Variants in DNAH9 observed in about 807,000 individuals in gnomAD.
DNAH9 encodes the protein DNAH9 variant protein.
Under a neutral mutation model 471.6 loss-of-function variants are expected in DNAH9, and 345 were observed. The observed-to-expected ratio is 0.73, with a 90% CI of 0.67 to 0.80. The LOEUF (loss-of-function observed/expected upper bound fraction) is 0.80, where lower values mean the gene tolerates loss of function less well. Ranked by LOEUF, DNAH9 falls within the 30% of genes least tolerant of loss-of-function variation. The pLI, the probability that DNAH9 is intolerant of heterozygous loss-of-function variation, is 0.00. For missense variants in DNAH9, 5,407 were observed against 5,609.2 expected (o/e 0.96, Z 1.15); for synonymous variants, 2,093 against 2,123.6 (o/e 0.99, Z 0.40).
intron 19 of DNAH9, among the ~76,000 whole-genome samples, chr17:11,689,322 G>T (rs2074292623): frequency 6.6e-6 from 1 of 150,758 alleles, no homozygotes; most frequent in East Asian, 2.0e-4. Context: ...TTCTTGAATT[G>T]CCCTTCTTCC....
chr17:11,732,347 CG>C (rs1045445213), intron 28 of DNAH9, among the ~76,000 whole-genome samples: 1 of 152,076 alleles, frequency 6.6e-6, no homozygotes, highest in African/African-American at 2.4e-5. Context: ...AAAATCTGAG[CG>C]GGTAACATTT....
At chr17:11,938,409 A>G (rs2151042702) in intron 66 of DNAH9, among the ~76,000 whole-genome samples, 1 of 151,540 alleles carries the variant, frequency 6.6e-6, no homozygotes, top group South Asian at 2.1e-4. Flanking sequence ...CAGTGAGCCA[A>G]GACCGTGCCA....
At chr17:11,712,868 A>G (rs563460432) in intron 26 of DNAH9, among the ~76,000 whole-genome samples, 1 of 150,106 alleles carries the variant, frequency 6.7e-6, no homozygotes, top group East Asian at 2.0e-4. Context: ...TTTTTTTCTT[A>G]AAAAGCTTTA....
In DNAH9 at chr17:11,933,352, C is replaced by T. The variant is rs138160879; in HGVS notation, c.12298-528C>T. Among the ~76,000 whole-genome samples, 434 of 152,002 alleles carry T rather than the reference C, an allele frequency of 2.9e-3. 3 individuals carry two copies. The highest frequency in any genetic ancestry group is 0.027 in the Middle Eastern group (8 of 292). ...GGGGTTGGCAACTTTCCTGTCTTCA[C>T]TCTTTGATGTAATTCTTCAAGCTTT... is the stretch of plus-strand genomic sequence containing the variant. On this transcript the variant is annotated intron_variant, in intron 64 of 68. Transcript: ENST00000262442.
rs139101425 is a variant in DNAH9 at position 11,874,919 on chromosome 17, G to C, written c.10243-30G>C. ...AGCTGAGAATGTCTGCTTCTGTTCTGAGCGTGGGGTGGTGTTTCTTCTTCA... is the reference window on the plus strand; with the variant it reads ...AGCTGAGAATGTCTGCTTCTGTTCTCAGCGTGGGGTGGTGTTTCTTCTTCA... On this transcript the variant is annotated intron_variant, in intron 52 of 68. Transcript: ENST00000262442. 8 of 1,522,836 alleles carry C rather than the reference G, an allele frequency of 5.3e-6. No individual in the cohort carries two copies. The East Asian group carries it at 1.6e-4, about 30-fold the overall frequency. 94.3% of individuals were successfully genotyped at this position (1,522,836 alleles called of 1,614,324 possible).
At chr17:11,880,241 G>A (rs759297055) in intron 54 of DNAH9, 41 bp downstream of exon 54, 4 of 1,606,116 alleles carry the variant, frequency 2.5e-6, no homozygotes, top group Middle Eastern at 2.1e-4. Flanking sequence ...GGGGGAGCTG[G>A]TTCATGGCCC....
chr17:11,684,729 G>A (rs1011679738), intron 19 of DNAH9, among the ~76,000 whole-genome samples: 1 of 152,138 alleles, frequency 6.6e-6, no homozygotes, highest in Admixed American at 6.5e-5. Context: ...GGCTGGGAGG[G>A]CTTTCTTGAA....
At chr17:11,906,099 A>G (rs892820694) in intron 61 of DNAH9, among the ~76,000 whole-genome samples, 2 of 152,072 alleles carry the variant, frequency 1.3e-5, no homozygotes, top group Non-Finnish European at 2.9e-5. Context: ...ATCTTTCTGA[A>G]ATACTAGTAT....
chr17:11,668,388 T>C (rs796879685), intron 15 of DNAH9, among the ~76,000 whole-genome samples: 3 of 152,162 alleles, frequency 2.0e-5, no homozygotes, highest in East Asian at 1.9e-4. Flanking sequence ...TCTTGTTGGC[T>C]GGGCGCGGTG....
chr17:11,949,615 G>A (rs1343490298), intron 67 of DNAH9, among the ~76,000 whole-genome samples: 2 of 152,028 alleles, frequency 1.3e-5, no homozygotes, highest in South Asian at 2.1e-4. Context: ...CTGAGTAGCT[G>A]GGATTACAGG....
In DNAH9 at chr17:11,658,121, C is replaced by T. The variant is rs140411929; in HGVS notation, c.2595+5119C>T. On this transcript the variant is annotated intron_variant, in intron 14 of 68. Transcript: ENST00000262442. Reference sequence around the variant, plus strand: ...TAGATTAATTTGAGGAAAATAAAGACCTTAACAATATTGAATATAGCAGTT... The same window carrying T: ...TAGATTAATTTGAGGAAAATAAAGATCTTAACAATATTGAATATAGCAGTT... Among the ~76,000 whole-genome samples, 13 of 152,158 alleles carry T rather than the reference C, an allele frequency of 8.5e-5. No homozygotes were observed. In the East Asian group the frequency reaches 2.3e-3, roughly 27 times the overall value.
intron 61 of DNAH9, among the ~76,000 whole-genome samples, chr17:11,912,637 T>C (rs1263982980): frequency 6.6e-6 from 1 of 152,192 alleles, no homozygotes; most frequent in Admixed American, 6.5e-5. Flanking sequence ...AAACCAACCT[T>C]GCATTCCTAG....
intron 35 of DNAH9, among the ~76,000 whole-genome samples, chr17:11,757,941 G>A (rs1183763442): frequency 1.3e-5 from 2 of 152,190 alleles, no homozygotes; most frequent in African/African-American, 2.4e-5. Context: ...TGAGTGCCAC[G>A]TGGATGTATG....
At chr17:11,881,456 A>G (rs1429516629) in intron 55 of DNAH9, 43 bp downstream of exon 55, 2 of 1,581,064 alleles carry the variant, frequency 1.3e-6, no homozygotes, top group Non-Finnish European at 1.7e-6. Context: ...TAGAGCCTGC[A>G]GTGTACTCCA....
chr17:11,923,821 A>T lies in DNAH9; in HGVS notation c.11757A>T (p.Lys3919Asn), dbSNP rs1974222395. 1 of 1,613,814 alleles carries T rather than the reference A, an allele frequency of 6.2e-7. No individual in the cohort carries two copies. Among genetic ancestry groups the T allele is most frequent in the East Asian group, 2.2e-5 (1 of 44,856 alleles). ...CCTCCATCCTCCTTTTAGGAAGAAA[A>T]CTTGGATACACCTTCAACAATCAGA... is the stretch of plus-strand genomic sequence containing the variant. ...PLKDVESQGR[K>N]LGYTFNNQNF... Residue 3919 changes from lysine (K) to asparagine (N), a missense_variant, in exon 62 of 69, where the codon AAA becomes AAT. Physicochemically the swap from Lys to Asn is moderately conservative, Grantham distance 94 (BLOSUM62 0). Coordinates refer to ENST00000262442, the MANE Select transcript of DNAH9 (RefSeq NM_001372.4).
intron 44 of DNAH9, among the ~76,000 whole-genome samples, chr17:11,808,773 C>G (rs1969782394): frequency 6.6e-6 from 1 of 152,166 alleles, no homozygotes; most frequent in African/African-American, 2.4e-5. Context: ...AGAAAGAATA[C>G]TGATGCCTGT....
chr17:11,725,364 G>C (rs552688281), intron 27 of DNAH9, among the ~76,000 whole-genome samples: 3 of 152,278 alleles, frequency 2.0e-5, no homozygotes, highest in African/African-American at 7.2e-5. Flanking sequence ...ATTTGTTATT[G>C]CTCATTGTCT....
intron 43 of DNAH9, among the ~76,000 whole-genome samples, chr17:11,800,363 CCTCTCT>C (rs374120092): frequency 1.3e-4 from 19 of 150,380 alleles, no homozygotes; most frequent in African/African-American, 4.6e-4. Context: ...GTAATTATCT[CCTCTCT>C]CTCTCTCTCC....
At chr17:11,922,862 A>G (rs1468583909) in intron 61 of DNAH9, among the ~76,000 whole-genome samples, 3 of 152,156 alleles carry the variant, frequency 2.0e-5, no homozygotes, top group African/African-American at 7.2e-5. Flanking sequence ...AGGACAAGGC[A>G]AGCCACAAAG....
Sources: gnomAD v4.1 joint callset for allele counts (sites outside exome capture counted in the v4.1 genomes callset) on GRCh38, gnomAD v4.1.1 for gene constraint, MANE v1.5 for transcripts, NCBI Gene and HGNC (gene_info 2026-07-23, HGNC 2026-07-21) for gene names.